Variants in SLC2A9 observed in about 807,000 individuals in gnomAD.
SLC2A9 encodes solute carrier family 2, facilitated glucose transporter member 9.
In SLC2A9, 39 loss-of-function variants were observed where a neutral mutation model predicts 50.6. The ratio of observed to expected loss-of-function variants is 0.77; its 90% CI spans 0.60 to 1.01. The LOEUF is 1.01. Among genes scored for constraint, SLC2A9 ranks in the 50% least tolerant of loss-of-function variants. The probability of loss-of-function intolerance (pLI) is 0.00; values close to 1 mark genes in which losing one functional copy is unlikely to be tolerated. For missense variants in SLC2A9, 686 were observed against 677.6 expected (o/e 1.01, Z -0.14); for synonymous variants, 324 against 276.9 (o/e 1.17, Z -1.69).
At chr4:9,873,431 C>T (rs1733775020) in intron 10 of SLC2A9, among the ~76,000 whole-genome samples, 1 of 152,230 alleles carries the variant, frequency 6.6e-6, no homozygotes, top group South Asian at 2.1e-4. Flanking sequence ...GAAAGTCTTT[C>T]CCCATCCCTT....
At chr4:9,970,243 C>A (rs182666230) in intron 5 of SLC2A9, among the ~76,000 whole-genome samples, 1 of 152,332 alleles carries the variant, frequency 6.6e-6, no homozygotes, top group African/African-American at 2.4e-5. Context: ...TTTGCGTGCA[C>A]TCCTAGACTC....
At chr4:9,844,580 G>A (rs1168799595) in intron 10 of SLC2A9, among the ~76,000 whole-genome samples, 5 of 152,182 alleles carry the variant, frequency 3.3e-5, no homozygotes, top group Non-Finnish European at 7.3e-5. Context: ...TTCTTCATAT[G>A]AGACTTACTT....
intron 11 of SLC2A9, among the ~76,000 whole-genome samples, chr4:9,826,967 A>C (rs1028708047): frequency 3.9e-5 from 6 of 152,214 alleles, no homozygotes; most frequent in Non-Finnish European, 8.8e-5. Context: ...TATACACATG[A>C]GACAAGAATG....
intron 2 of SLC2A9, among the ~76,000 whole-genome samples, chr4:9,997,476 G>A (rs979411499): frequency 1.3e-5 from 2 of 152,106 alleles, no homozygotes; most frequent in African/African-American, 4.8e-5. Flanking sequence ...GAGATGGGTG[G>A]GTCACTTGAG....
intron 5 of SLC2A9, among the ~76,000 whole-genome samples, chr4:9,975,068 C>G (rs777190432): frequency 5.3e-5 from 8 of 152,174 alleles, no homozygotes; most frequent in Non-Finnish European, 8.8e-5. Flanking sequence ...AAGAATGTAA[C>G]TGGACCCCTA....
intron 10 of SLC2A9, among the ~76,000 whole-genome samples, chr4:9,847,527 G>A (rs887249687): frequency 3.3e-4 from 50 of 152,168 alleles, no homozygotes; most frequent in Non-Finnish European, 1.5e-4. Context: ...CAATGATTAC[G>A]GCGATTCCTC....
At chr4:9,906,486 A>C (rs1349607683) in intron 8 of SLC2A9, among the ~76,000 whole-genome samples, 1 of 152,240 alleles carries the variant, frequency 6.6e-6, no homozygotes, top group Admixed American at 6.5e-5. Flanking sequence ...TTCTGACATA[A>C]GATTATGTGA....
At chr4:9,824,853 C>T (rs987589119), downstream of SLC2A9, among the ~76,000 whole-genome samples, 3 of 152,180 alleles carry the variant, frequency 2.0e-5, no homozygotes, top group East Asian at 3.8e-4. Context: ...GGAACCCACA[C>T]CTCACTTTCT....
At chr4:10,033,312 G>A (rs546884428) in intron 1 of SLC2A9, among the ~76,000 whole-genome samples, 2 of 152,088 alleles carry the variant, frequency 1.3e-5, no homozygotes, top group African/African-American at 4.8e-5. Context: ...GTCTCCATTG[G>A]AGGCTCATCT....
chr4:9,822,561 C>T (rs916340883), downstream of SLC2A9, among the ~76,000 whole-genome samples: 5 of 152,114 alleles, frequency 3.3e-5, no homozygotes, highest in African/African-American at 1.2e-4. Flanking sequence ...TACTTTTAAC[C>T]TATCTATATC....
At chr4:10,001,215 G>C (rs1395480600) in intron 2 of SLC2A9, among the ~76,000 whole-genome samples, 1 of 152,128 alleles carries the variant, frequency 6.6e-6, no homozygotes, top group African/African-American at 2.4e-5. Flanking sequence ...TAGTACCTCA[G>C]AATGTGACCT....
At chr4:9,889,584 C>T (rs1195139818) in intron 9 of SLC2A9, among the ~76,000 whole-genome samples, 2 of 152,188 alleles carry the variant, frequency 1.3e-5, no homozygotes, top group Admixed American at 1.3e-4. Flanking sequence ...TGCCGGTCAG[C>T]GTGCTTGCCA....
At chr4:10,038,789 G>C (rs573142631) in intron 1 of SLC2A9, among the ~76,000 whole-genome samples, 1 of 152,162 alleles carries the variant, frequency 6.6e-6, no homozygotes, top group Non-Finnish European at 1.5e-5. Flanking sequence ...TCCCGAACTT[G>C]ATTCTTAGGC....
At chr4:9,819,375 C>G (rs1474896697) in intron 3 of SLC2A9, among the ~76,000 whole-genome samples, 1 of 152,098 alleles carries the variant, frequency 6.6e-6, no homozygotes, top group African/African-American at 2.4e-5. Context: ...TTAGCCATTC[C>G]AATAGGTTTG....
chr4:10,027,151 C>G (rs546677897), intron 1 of SLC2A9, among the ~76,000 whole-genome samples: 57 of 152,138 alleles, frequency 3.7e-4, no homozygotes, highest in Non-Finnish European at 7.8e-4. Flanking sequence ...GAAGGCAGAT[C>G]AGCGGTGGCC....
At chr4:9,918,093 C>T (rs539256177) in intron 7 of SLC2A9, among the ~76,000 whole-genome samples, 7 of 152,184 alleles carry the variant, frequency 4.6e-5, no homozygotes, top group Non-Finnish European at 7.3e-5. Flanking sequence ...GACAATACCA[C>T]TTACCCTGTG....
At chr4:9,782,385 T>C (rs1329252530) in intron 3 of SLC2A9, 1 of 1,614,050 alleles carries the variant, frequency 6.2e-7, no homozygotes, top group South Asian at 1.1e-5. Flanking sequence ...TGGGTGGCCT[T>C]CGACATCATG....
At chr4:10,013,589 C>T (rs998801649) in intron 2 of SLC2A9, among the ~76,000 whole-genome samples, 1 of 152,222 alleles carries the variant, frequency 6.6e-6, no homozygotes, top group Admixed American at 6.5e-5. Context: ...GCACACAATT[C>T]TGAACCTGGG....
chr4:9,881,591 A>G (rs999463153), intron 10 of SLC2A9, among the ~76,000 whole-genome samples: 1 of 152,216 alleles, frequency 6.6e-6, no homozygotes, highest in Non-Finnish European at 1.5e-5. Flanking sequence ...GGTCCCTGGC[A>G]TGCATTCTTT....
Sources: allele counts gnomAD v4.1 joint callset (sites outside exome capture counted in the v4.1 genomes callset), GRCh38; gene constraint gnomAD v4.1.1; transcripts MANE v1.5; gene names NCBI Gene and HGNC (gene_info 2026-07-23, HGNC 2026-07-21).